The following BCKDHB variants were observed in gnomAD, a reference collection of about 807,000 sequenced individuals.
BCKDHB encodes the protein 2-oxoisovalerate dehydrogenase subunit beta, mitochondrial.
Under a neutral mutation model 48.5 loss-of-function variants are expected in BCKDHB, and 41 were observed. The ratio of observed to expected loss-of-function variants is 0.85; its 90% CI spans 0.66 to 1.10. BCKDHB has a LOEUF of 1.10. Ranked by LOEUF, BCKDHB falls within the 50% of genes least tolerant of loss-of-function variation. BCKDHB has a pLI of 0.00. For synonymous variants in BCKDHB, 201 were observed against 174.8 expected (o/e 1.15, Z -1.18); for missense variants, 496 against 494.2 (o/e 1.00, Z -0.03).
intron 6 of BCKDHB, among the ~76,000 whole-genome samples, chr6:80,193,996 A>C (rs1384771468): frequency 6.6e-6 from 1 of 152,124 alleles, no homozygotes; most frequent in Non-Finnish European, 1.5e-5. Flanking sequence ...GAGCTTTGTT[A>C]ATATCCTCAT....
chr6:80,445,971 G>A, the BCKDHB span, among the ~76,000 whole-genome samples: 1 of 152,152 alleles, frequency 6.6e-6, no homozygotes, highest in Non-Finnish European at 1.5e-5. Flanking sequence ...AAAATCAAAT[G>A]CTCAGGAGAA....
intron 8 of BCKDHB, among the ~76,000 whole-genome samples, chr6:80,217,637 C>G (rs1325218111): frequency 6.6e-6 from 1 of 152,184 alleles, no homozygotes; most frequent in East Asian, 1.9e-4. Context: ...CCCCTACTCC[C>G]TAAACACAGC....
chr6:80,436,869 C>G, the BCKDHB span, among the ~76,000 whole-genome samples: 1 of 152,126 alleles, frequency 6.6e-6, no homozygotes, highest in Admixed American at 6.5e-5. Flanking sequence ...CTGGTACATT[C>G]CAAACTACAG....
intron 1 of BCKDHB, among the ~76,000 whole-genome samples, chr6:80,126,864 A>G: frequency 6.6e-6 from 1 of 152,172 alleles, no homozygotes; most frequent in East Asian, 1.9e-4. Context: ...AGAGTCCAGA[A>G]CCTAACAATG....
At chr6:80,465,684 C>T in the BCKDHB span, 1 of 152,192 alleles carries the variant, frequency 6.6e-6, no homozygotes, top group Non-Finnish European at 1.5e-5. Context: ...AGGATACTCT[C>T]TGGCACAAAT....
At chr6:80,262,199 A>G (rs566185856) in intron 8 of BCKDHB, among the ~76,000 whole-genome samples, 1 of 152,160 alleles carries the variant, frequency 6.6e-6, no homozygotes, top group Admixed American at 6.6e-5. Flanking sequence ...TATGCAACCT[A>G]TGGTAGCTGT....
chr6:80,150,373 A>G (rs561238012), intron 3 of BCKDHB, among the ~76,000 whole-genome samples: 32 of 152,260 alleles, frequency 2.1e-4, no homozygotes, highest in Admixed American at 2.1e-3. Context: ...GGTTGAATGA[A>G]TGAAGAATGG....
intron 1 of BCKDHB, among the ~76,000 whole-genome samples, chr6:80,123,514 T>A (rs1467105701): frequency 2.6e-5 from 4 of 152,210 alleles, no homozygotes; most frequent in Non-Finnish European, 5.9e-5. Flanking sequence ...TGTGAATCCA[T>A]CTGGTCCTGG....
At chr6:80,211,601 G>C (rs1359880051) in intron 8 of BCKDHB, among the ~76,000 whole-genome samples, 1 of 152,066 alleles carries the variant, frequency 6.6e-6, no homozygotes, top group East Asian at 1.9e-4. Flanking sequence ...CCTTACCATG[G>C]CCTACAAGAA....
intron 6 of BCKDHB, among the ~76,000 whole-genome samples, chr6:80,180,849 T>G (rs886503834): frequency 6.6e-6 from 1 of 152,236 alleles, no homozygotes; most frequent in East Asian, 1.9e-4. Context: ...GGTTAGTATA[T>G]TTAATGCTAG....
At chr6:80,401,703 A>T in the BCKDHB span, among the ~76,000 whole-genome samples, 2 of 151,794 alleles carry the variant, frequency 1.3e-5, no homozygotes, top group Admixed American at 1.3e-4. Flanking sequence ...TATAACTAAA[A>T]TTTTGTACCC....
rs183095312 is a variant in BCKDHB at position 80,201,586 on chromosome 6, T to C, written c.840+555T>C. On this transcript the variant is annotated intron_variant, in intron 7 of 9. Coordinates refer to ENST00000320393, the MANE Select transcript of BCKDHB (RefSeq NM_183050.4). The stretch of plus-strand genomic sequence containing the variant: ...TTCGCTGCAAATGGCTATAATCTTT[T>C]TCATCACATTTCCTGCCATCTCTCA... 5.9e-5 allele frequency among the ~76,000 whole-genome samples: 9 copies of C among 152,286 alleles called. No individual in the cohort carries two copies. The East Asian group carries it at 1.5e-3, about 26-fold the overall frequency.
At position 80,106,703 on chromosome 6, in the gene BCKDHB, G is replaced by A. The variant is rs774255890; in HGVS notation, c.10G>A (p.Val4Ile). MAV[V>I]AAAAGWLLRL... The stretch of plus-strand genomic sequence containing the variant: ...CCGGTGGTGAGCGGGGATGGCGGTT[G>A]TAGCGGCGGCTGCCGGCTGGCTACT... Residue 4 changes from valine (V) to isoleucine (I), a missense_variant, in exon 1 of 10, where the codon GTA (valine) becomes ATA (isoleucine). Coordinates refer to ENST00000320393, the MANE Select transcript of BCKDHB (RefSeq NM_183050.4). 60 of 1,551,588 alleles carry A rather than the reference G, an allele frequency of 3.9e-5. No individual in the cohort carries two copies. The African/African-American group carries it at 6.7e-4, about 17-fold the overall frequency.
Position 80,168,904 on chromosome 6 carries a change from T to C in BCKDHB, c.507T>C (p.Tyr169=), listed in dbSNP as rs2127775476. 2 of 1,614,154 alleles carry C rather than the reference T, an allele frequency of 1.2e-6. No homozygotes were observed. The highest frequency in any genetic ancestry group is 1.7e-6 in the Non-Finnish European group (2 of 1,180,008). ...TTAATGAAGCTGCCAAGTATCGCTA[T>C]CGCTCTGGGGATCTTTTTAACTGTG... ...QIVNEAAKYR[Y]RSGDLFNCGS... Residue 169 remains tyrosine, a synonymous_variant, in exon 5 of 10, where the codon TAT becomes TAC. Coordinates refer to ENST00000320393, the MANE Select transcript of BCKDHB (RefSeq NM_183050.4).
At chr6:80,466,183 A>T in the BCKDHB span, among the ~76,000 whole-genome samples, 1 of 152,254 alleles carries the variant, frequency 6.6e-6, no homozygotes, top group South Asian at 2.1e-4. Context: ...AAGTTCCAGG[A>T]GGAAGTCATG....
At chr6:80,277,233 G>A (rs1352707348) in intron 9 of BCKDHB, among the ~76,000 whole-genome samples, 1 of 151,916 alleles carries the variant, frequency 6.6e-6, no homozygotes, top group Non-Finnish European at 1.5e-5. Context: ...AGATTTTATT[G>A]TTTCAGAAAA....
At position 80,169,535 on chromosome 6, in the gene BCKDHB, G is replaced by C. The variant is rs140882924; in HGVS notation, c.633+505G>C. Among the ~76,000 whole-genome samples the C allele has an allele frequency of 1.8e-3, 267 of 151,978 alleles. 1 individual carries two copies. Among genetic ancestry groups the C allele is most frequent in the African/African-American group, 6.1e-3 (253 of 41,456 alleles). On this transcript the variant is annotated intron_variant, in intron 5 of 9. Transcript: ENST00000320393. Reference sequence around the variant, plus strand: ...TTCTGTTTAAAGTTAGGTAATACTTGCTCAACCAATTAATTTTGAAGCATC... The same window carrying C: ...TTCTGTTTAAAGTTAGGTAATACTTCCTCAACCAATTAATTTTGAAGCATC...
the BCKDHB span, among the ~76,000 whole-genome samples, chr6:80,385,778 C>T: frequency 6.6e-6 from 1 of 152,080 alleles, no homozygotes; most frequent in Non-Finnish European, 1.5e-5. Context: ...TGGAAAAGAA[C>T]CGAGTTTTCG....
the BCKDHB span, among the ~76,000 whole-genome samples, chr6:80,416,958 A>T: frequency 6.6e-5 from 10 of 152,008 alleles, no homozygotes; most frequent in South Asian, 2.1e-3. Flanking sequence ...GGGGTGTTAA[A>T]ATCTCCCGCT....
Sources: allele counts gnomAD v4.1 joint callset (sites outside exome capture counted in the v4.1 genomes callset), GRCh38; gene constraint gnomAD v4.1.1; transcripts MANE v1.5; gene names NCBI Gene and HGNC (gene_info 2026-07-23, HGNC 2026-07-21).